Variants in SGCD observed in about 807,000 individuals in gnomAD.
SGCD encodes delta-sarcoglycan.
SGCD carries 18 observed loss-of-function variants against 36.6 expected under a neutral mutation model. That is an observed-to-expected ratio of 0.49 (90% CI 0.34 to 0.73). The LOEUF (loss-of-function observed/expected upper bound fraction) is 0.73. SGCD is among the 30% of genes least tolerant of loss of function. The pLI, the probability that SGCD is intolerant of heterozygous loss-of-function variation, is 0.01. For synonymous variants in SGCD, 133 were observed against 130.6 expected, an observed-to-expected ratio of 1.02 and a Z score of -0.12; for missense variants, 387 against 346.7, an observed-to-expected ratio of 1.12 and a Z score of -0.92.
chr5:156,440,939 C>G (rs891629522), intron 3 of SGCD, among the ~76,000 whole-genome samples: 1 of 152,016 alleles, frequency 6.6e-6, no homozygotes, highest in South Asian at 2.1e-4. Context: ...TTTTGAAGCA[C>G]AGTAGTTGTA....
In SGCD at chr5:156,056,645, TAA is replaced by T. The variant is rs561328077; in HGVS notation, c.-281-61214_-281-61213del. ...GGTCCCCTACCTGCCAAATTATCCT[TAA>T]AAAAAAAAAAAAAAAAAACAGTCTC... is the stretch of plus-strand genomic sequence containing the variant. On this transcript the variant is annotated intron_variant, in intron 1 of 9. Transcript: ENST00000517913. Among the ~76,000 whole-genome samples the T allele has an allele frequency of 2.4e-3, 165 of 68,274 alleles. 9 individuals are homozygous for T. Among genetic ancestry groups the T allele is most frequent in the African/African-American group, 0.011 (154 of 14,064 alleles). 44.8% of individuals were successfully genotyped at this position (68,274 alleles called of 152,430 possible).
intron 6 of SGCD, among the ~76,000 whole-genome samples, chr5:156,620,033 A>T (rs1271951822): frequency 6.6e-6 from 1 of 152,176 alleles, no homozygotes. Context: ...AGCAAAATTC[A>T]AAGTTTCTCC....
At chr5:156,248,663 C>A (rs896186146) in intron 3 of SGCD, among the ~76,000 whole-genome samples, 5 of 152,068 alleles carry the variant, frequency 3.3e-5, no homozygotes, top group Non-Finnish European at 7.4e-5. Context: ...GGACTTTATT[C>A]GAAGACGATA....
chr5:156,283,145 T>G (rs1238421141), intron 3 of SGCD, among the ~76,000 whole-genome samples: 2 of 152,154 alleles, frequency 1.3e-5, no homozygotes, highest in African/African-American at 4.8e-5. Context: ...TAATGAGAAA[T>G]GAAATCACAG....
chr5:156,764,504 C>T lies in SGCD; in HGVS notation c.*5114C>T, dbSNP rs3913482. ...AAAAGCTTTCTTCATAAGGGAGTCC[C>T]TGAAATTTCTCAAGGCAGGTTTGAA... On this transcript the variant is annotated 3_prime_UTR_variant, in exon 9 of 9. Coordinates refer to ENST00000337851, the MANE Select transcript of SGCD (RefSeq NM_000337.6). 13,568 of 152,612 alleles carry T rather than the reference C, an allele frequency of 0.089. 904 individuals carry two copies. The highest frequency in any genetic ancestry group is 0.18 in the African/African-American group (7,667 of 41,498). 9.5% of individuals were successfully genotyped at this position (152,612 alleles called of 1,614,324 possible). A position where few individuals can be genotyped will look rare whatever the true frequency, so the allele number is the denominator to read the frequency against.
At chr5:155,867,083 G>T (rs1349656228), upstream of SGCD, among the ~76,000 whole-genome samples, 1 of 152,174 alleles carries the variant, frequency 6.6e-6, no homozygotes, top group African/African-American at 2.4e-5. Flanking sequence ...TGGGTGAGTT[G>T]ATGTCAAAGT....
At chr5:156,690,686 G>C (rs1210502707) in intron 7 of SGCD, among the ~76,000 whole-genome samples, 1 of 152,126 alleles carries the variant, frequency 6.6e-6, no homozygotes, top group African/African-American at 2.4e-5. Flanking sequence ...CTACTTTTAA[G>C]AGGAAGAAAA....
At chr5:156,162,232 T>C (rs1763103179) in intron 3 of SGCD, among the ~76,000 whole-genome samples, 1 of 151,434 alleles carries the variant, frequency 6.6e-6, no homozygotes, top group African/African-American at 2.5e-5. Flanking sequence ...CTTCCATTGG[T>C]CAATATTTTG....
the SGCD span, among the ~76,000 whole-genome samples, chr5:155,787,611 T>A: frequency 5.5e-3 from 833 of 152,256 alleles, 5 homozygotes; most frequent in African/African-American, 0.02. Context: ...GTTCTTCCAG[T>A]TGCTACTTTA....
chr5:155,894,935 A>G (rs1678580611), intron 1 of SGCD, among the ~76,000 whole-genome samples: 1 of 152,196 alleles, frequency 6.6e-6, no homozygotes, highest in South Asian at 2.1e-4. Context: ...CCCCTGGTCC[A>G]TGGAAAAATT....
At chr5:156,080,085 C>T (rs1760911456) in intron 1 of SGCD, among the ~76,000 whole-genome samples, 1 of 152,234 alleles carries the variant, frequency 6.6e-6, no homozygotes, top group Non-Finnish European at 1.5e-5. Context: ...TGTATGCCTA[C>T]AGGCTTAATA....
At chr5:156,625,182 C>T (rs992555570) in intron 6 of SGCD, among the ~76,000 whole-genome samples, 4 of 152,152 alleles carry the variant, frequency 2.6e-5, no homozygotes, top group African/African-American at 9.7e-5. Flanking sequence ...TAGAGACTGG[C>T]TATGATTTTA....
chr5:155,820,825 A>T, the SGCD span, among the ~76,000 whole-genome samples: 1 of 152,126 alleles, frequency 6.6e-6, no homozygotes, highest in Non-Finnish European at 1.5e-5. Flanking sequence ...ATCACCAGAG[A>T]AATTCCTCTG....
chr5:156,081,593 G>A (rs1028522055), intron 1 of SGCD, among the ~76,000 whole-genome samples: 3 of 152,052 alleles, frequency 2.0e-5, no homozygotes, highest in African/African-American at 4.8e-5. Flanking sequence ...ACCAAGTCTC[G>A]CTATGTTGTC....
intron 1 of SGCD, among the ~76,000 whole-genome samples, chr5:155,930,161 C>A (rs559848828): frequency 1.3e-5 from 2 of 152,274 alleles, no homozygotes; most frequent in African/African-American, 2.4e-5. Context: ...ATAAGAAATT[C>A]TTTCATTTCT....
chr5:156,371,486 G>C (rs1270604606), intron 3 of SGCD, among the ~76,000 whole-genome samples: 4 of 152,162 alleles, frequency 2.6e-5, no homozygotes, highest in Admixed American at 2.6e-4. Context: ...TCCTCTTGGA[G>C]ACCATGTCTA....
the SGCD span, among the ~76,000 whole-genome samples, chr5:155,840,967 C>T: frequency 1.0e-4 from 15 of 143,630 alleles, 1 homozygote; most frequent in African/African-American, 4.0e-4. Flanking sequence ...GTCAAGATCG[C>T]ACCACTATAC....
Position 156,082,002 on chromosome 5 carries a change from A to G in SGCD, c.-281-35876A>G, listed in dbSNP as rs75551757. Among the ~76,000 whole-genome samples, 943 of 152,206 alleles carry G rather than the reference A, an allele frequency of 6.2e-3. 6 individuals are homozygous for G. The highest frequency in any genetic ancestry group is 0.021 in the African/African-American group (872 of 41,510). ...TATTTAATGGGCTTGATAAACATAC[A>G]TTTGCCTGAGACAAAGTCTGTTGGG... On this transcript the variant is annotated intron_variant, in intron 1 of 9. Coordinates refer to the SGCD transcript ENST00000517913.
chr5:155,942,565 G>T (rs903791779), intron 1 of SGCD, among the ~76,000 whole-genome samples: 3 of 152,100 alleles, frequency 2.0e-5, no homozygotes, highest in African/African-American at 7.2e-5. Flanking sequence ...CCTAAACTAT[G>T]CAAGTATGAA....
Sources: allele counts gnomAD v4.1 joint callset (sites outside exome capture counted in the v4.1 genomes callset), GRCh38; gene constraint gnomAD v4.1.1; transcripts MANE v1.5; gene names NCBI Gene and HGNC (gene_info 2026-07-23, HGNC 2026-07-21).